Variants in LRRC4C observed in about 807,000 individuals in gnomAD.
LRRC4C encodes the protein leucine rich repeat containing 4C.
A neutral mutation model predicts 33.6 loss-of-function variants in LRRC4C; 5 were observed. The ratio of observed to expected loss-of-function variants is 0.15; its 90% CI spans 0.08 to 0.31. The LOEUF is 0.31. Ranked by LOEUF, LRRC4C falls within the 10% of genes least tolerant of loss-of-function variation. The pLI is 1.00. For synonymous variants in LRRC4C, 329 were observed against 302.0 expected, an observed-to-expected ratio of 1.09 and a Z score of -0.93; for missense variants, 560 against 796.7, an observed-to-expected ratio of 0.70 and a Z score of 3.58.
intron 1 of LRRC4C, among the ~76,000 whole-genome samples, chr11:41,286,171 G>A (rs1949822824): frequency 6.6e-6 from 1 of 152,020 alleles, no homozygotes; most frequent in Non-Finnish European, 1.5e-5. Flanking sequence ...CTTCAAGAAA[G>A]GAATGGATTC....
chr11:41,190,868 C>T (rs550700005), intron 1 of LRRC4C, among the ~76,000 whole-genome samples: 26 of 152,272 alleles, frequency 1.7e-4, no homozygotes, highest in African/African-American at 5.8e-4. Flanking sequence ...CACTGTCACT[C>T]GTTCGGCTCC....
At chr11:40,248,319 T>G (rs1306651633) in intron 4 of LRRC4C, among the ~76,000 whole-genome samples, 3 of 152,222 alleles carry the variant, frequency 2.0e-5, no homozygotes, top group Admixed American at 6.5e-5. Flanking sequence ...TTTCTCACTC[T>G]ATAGGCTAGA....
intron 4 of LRRC4C, among the ~76,000 whole-genome samples, chr11:40,251,022 C>T (rs995039738): frequency 2.0e-5 from 3 of 151,888 alleles, no homozygotes; most frequent in Admixed American, 1.3e-4. Flanking sequence ...GTTTTAAATC[C>T]GTGAAAATCT....
chr11:41,083,861 T>C (rs1166464728), intron 1 of LRRC4C, among the ~76,000 whole-genome samples: 3 of 152,112 alleles, frequency 2.0e-5, no homozygotes, highest in Non-Finnish European at 4.4e-5. Context: ...TTGAGAGAAA[T>C]AATAAGTACT....
intron 3 of LRRC4C, among the ~76,000 whole-genome samples, chr11:40,531,359 A>G (rs1042082941): frequency 6.6e-6 from 1 of 152,138 alleles, no homozygotes; most frequent in South Asian, 2.1e-4. Context: ...CAGGGATTTG[A>G]AATTGTGACG....
chr11:41,009,797 G>A (rs1227398278), intron 1 of LRRC4C, among the ~76,000 whole-genome samples: 3 of 152,058 alleles, frequency 2.0e-5, no homozygotes, highest in Non-Finnish European at 2.9e-5. Flanking sequence ...TCTATTATGG[G>A]TTGAATTGTG....
chr11:40,472,820 A>G (rs968538097), intron 3 of LRRC4C, among the ~76,000 whole-genome samples: 3 of 152,352 alleles, frequency 2.0e-5, no homozygotes, highest in Admixed American at 1.3e-4. Context: ...AGAGAATACT[A>G]TAAACACCTC....
intron 1 of LRRC4C, among the ~76,000 whole-genome samples, chr11:41,117,672 T>C (rs10501250): frequency 0.038 from 5,736 of 152,228 alleles, 127 homozygotes; most frequent in African/African-American, 0.044. Flanking sequence ...TAGGATATCG[T>C]GTTGTGACAT....
chr11:40,352,156 TTCCTTCCTTCCC>T (rs1229808009), intron 3 of LRRC4C, among the ~76,000 whole-genome samples: 7 of 116,612 alleles, frequency 6.0e-5, no homozygotes, highest in Admixed American at 9.5e-5. Flanking sequence ...CCTTCCTTCC[TTCCTTCCTTCCC>T]TTTCCTTCCT....
Position 40,115,141 on chromosome 11 carries a change from T to A in LRRC4C, c.1152A>T (p.Val384=). ...CTGTTCCATTTGGAGTAATCCAAGATACAGATGTCAGGGATGTGGAGGCCC... is the reference window on the plus strand; with the variant it reads ...CTGTTCCATTTGGAGTAATCCAAGAAACAGATGTCAGGGATGTGGAGGCCC... ...KCRASTSLTS[V]SWITPNGTVM... is the part of the protein sequence containing the mutation. Residue 384 remains valine (V), a synonymous_variant, in exon 7 of 7, where the codon GTA becomes GTT. Coordinates refer to ENST00000528697, the MANE Select transcript of LRRC4C (RefSeq NM_001258419.2). The surrounding 1 kb of genome is among the most constrained non-coding windows in gnomAD (Gnocchi z 6.7). 6.2e-7 allele frequency: 1 copy of A among 1,614,214 alleles called. No individual in the cohort carries two copies. Among genetic ancestry groups the A allele is most frequent in the Non-Finnish European group, 8.5e-7 (1 of 1,180,036 alleles).
At chr11:41,011,594 T>C (rs1855184139) in intron 1 of LRRC4C, among the ~76,000 whole-genome samples, 1 of 151,888 alleles carries the variant, frequency 6.6e-6, no homozygotes, top group Non-Finnish European at 1.5e-5. Context: ...GTATGGTTAT[T>C]ATAGAAATAT....
chr11:40,739,249 A>G (rs1004106087), intron 2 of LRRC4C, among the ~76,000 whole-genome samples: 2 of 151,732 alleles, frequency 1.3e-5, no homozygotes, highest in African/African-American at 4.8e-5. Context: ...CCTCCATTCT[A>G]CCCTCTGCTC....
At chr11:40,885,244 G>T (rs910267842) in intron 2 of LRRC4C, among the ~76,000 whole-genome samples, 1 of 152,002 alleles carries the variant, frequency 6.6e-6, no homozygotes, top group Non-Finnish European at 1.5e-5. Context: ...TAAAGTTATT[G>T]CTTAGCACTT....
intron 1 of LRRC4C, among the ~76,000 whole-genome samples, chr11:41,257,999 AG>A (rs1185161232): frequency 6.6e-6 from 1 of 152,032 alleles, no homozygotes; most frequent in Non-Finnish European, 1.5e-5. Context: ...AGAAAAAGAA[AG>A]AAAAGCCTCA....
chr11:40,823,454 G>A (rs1350484695), intron 2 of LRRC4C, among the ~76,000 whole-genome samples: 1 of 151,536 alleles, frequency 6.6e-6, no homozygotes, highest in Non-Finnish European at 1.5e-5. Context: ...AAAAAGGGAA[G>A]CAACATACTG....
At chr11:40,639,753 A>C (rs973922701) in intron 3 of LRRC4C, among the ~76,000 whole-genome samples, 1 of 152,208 alleles carries the variant, frequency 6.6e-6, no homozygotes, top group African/African-American at 2.4e-5. Context: ...CTGTATTTGC[A>C]ACATGAATAT....
chr11:40,162,323 G>T (rs1265515347), intron 5 of LRRC4C, among the ~76,000 whole-genome samples: 1 of 152,064 alleles, frequency 6.6e-6, no homozygotes, highest in Non-Finnish European at 1.5e-5. Context: ...TGGTGCAAAG[G>T]TTAAATAAAA....
chr11:41,329,073 C>T (rs1425547718), intron 1 of LRRC4C, among the ~76,000 whole-genome samples: 12 of 152,112 alleles, frequency 7.9e-5, no homozygotes. Flanking sequence ...GCACTATTTG[C>T]TTTATTTCTT....
intron 1 of LRRC4C, among the ~76,000 whole-genome samples, chr11:41,207,229 G>T (rs1331459078): frequency 1.3e-5 from 2 of 152,046 alleles, no homozygotes; most frequent in African/African-American, 2.4e-5. Context: ...AAGTTGATAT[G>T]CCCTGTCCTA....
Sources: allele counts gnomAD v4.1 joint callset (sites outside exome capture counted in the v4.1 genomes callset), GRCh38; gene constraint gnomAD v4.1.1; non-coding constraint Gnocchi (gnomAD v3.1); transcripts MANE v1.5; gene names NCBI Gene and HGNC (gene_info 2026-07-23, HGNC 2026-07-21).